Variants in CCNQ observed in about 807,000 individuals in gnomAD.
The protein encoded by CCNQ is cyclin-Q.
Under a neutral mutation model 17.7 loss-of-function variants are expected in CCNQ, and 3 were observed. The ratio of observed to expected loss-of-function variants is 0.17; its 90% CI spans 0.08 to 0.44. The LOEUF (loss-of-function observed/expected upper bound fraction) is 0.44, where lower values mean the gene tolerates loss of function less well. Among genes scored for constraint, CCNQ ranks in the 20% least tolerant of loss-of-function variants. The pLI is 0.99. For missense variants in CCNQ, 146 were observed against 222.6 expected (o/e 0.66, Z 2.19); for synonymous variants, 73 against 96.0 (o/e 0.76, Z 1.40).
chrX:153,594,106 G>T (rs1196547201), intron 3 of CCNQ, among the ~76,000 whole-genome samples: 1 of 113,007 alleles, frequency 8.8e-6, no homozygotes, highest in Non-Finnish European at 1.9e-5. Flanking sequence ...TGACTCAAGC[G>T]ATTTGGCTTT....
chrX:153,595,347 G>A (rs954710873), intron 2 of CCNQ, among the ~76,000 whole-genome samples: 2 of 113,214 alleles, frequency 1.8e-5, no homozygotes, highest in Admixed American at 1.8e-4. Flanking sequence ...TGAACTCCTG[G>A]GCTCAAGCGA....
intron 3 of CCNQ, among the ~76,000 whole-genome samples, chrX:153,593,222 A>G (rs185452756): frequency 8.9e-6 from 1 of 112,924 alleles, no homozygotes. Flanking sequence ...TCCTGCTCTC[A>G]GAACACTGAC....
chrX:153,596,208 A>T (rs782138796), intron 1 of CCNQ, 21 bp from the exon 2 acceptor site: 1 of 1,207,404 alleles, frequency 8.3e-7, no homozygotes, highest in Admixed American at 2.2e-5. Flanking sequence ...AAAGCAGGCA[A>T]GAGAGGACTT....
At position 153,588,156 on chromosome X, in the gene CCNQ, G is replaced by C. The variant is rs2090966242; in HGVS notation, c.*209C>G. The C allele has an allele frequency of 1.9e-6, 1 of 521,569 alleles. No homozygotes were observed. Among genetic ancestry groups the C allele is most frequent in the Non-Finnish European group, 3.5e-6 (1 of 285,035 alleles). 43.0% of individuals were successfully genotyped at this position (521,569 alleles called of 1,213,427 possible). On this transcript the variant is annotated 3_prime_UTR_variant, in exon 5 of 5. Coordinates refer to ENST00000576892, the MANE Select transcript of CCNQ (RefSeq NM_152274.5). ...CAGTACACTCCCGGCCTGCCCGCTGGAGGCGCGGCTCCCACCATCACCTGC... is the reference window on the plus strand; with the variant it reads ...CAGTACACTCCCGGCCTGCCCGCTGCAGGCGCGGCTCCCACCATCACCTGC...
chrX:153,594,278 G>A (rs371398413), intron 3 of CCNQ, among the ~76,000 whole-genome samples: 33 of 112,600 alleles, frequency 2.9e-4, no homozygotes, highest in African/African-American at 8.4e-4. Flanking sequence ...CAGCTTCAGC[G>A]GGCAGCACGG....
chrX:153,592,309 C>T (rs1487073294), intron 4 of CCNQ, among the ~76,000 whole-genome samples, 197 bp downstream of exon 4: 2 of 113,365 alleles, frequency 1.8e-5, no homozygotes, highest in African/African-American at 3.2e-5. Context: ...GTTCGACATC[C>T]GGGACCCCTA....
chrX:153,592,436 G>T (rs1020462394), intron 4 of CCNQ, 70 bp downstream of exon 4: 9 of 1,018,405 alleles, frequency 8.8e-6, no homozygotes, highest in Admixed American at 2.3e-5. Context: ...ATAGAATTTG[G>T]TGAGCACTGC....
In CCNQ at chrX:153,590,390, T is replaced by C. The variant is rs782113254; in HGVS notation, c.658-1936A>G. On this transcript the variant is annotated intron_variant, in intron 4 of 4. Transcript: ENST00000576892. ...CATTCTGAGACGGGGGCTCCAACAT[T>C]GTGCTCAGCAAAAGAAGCCAGTCAC... Among the ~76,000 whole-genome samples the C allele has an allele frequency of 9.9e-5, 11 of 110,616 alleles. No homozygotes were observed. In the South Asian group the frequency reaches 3.4e-3, roughly 35 times the overall value.
chrX:153,593,602 G>A (rs2091006972), intron 3 of CCNQ, among the ~76,000 whole-genome samples: 1 of 112,508 alleles, frequency 8.9e-6, no homozygotes, highest in African/African-American at 3.2e-5. Flanking sequence ...TCCAGGTACT[G>A]AGGTGGGAGT....
At chrX:153,594,166 C>T (rs1445026550) in intron 3 of CCNQ, among the ~76,000 whole-genome samples, 2 of 112,930 alleles carry the variant, frequency 1.8e-5, no homozygotes, top group Non-Finnish European at 3.8e-5. Context: ...TCCGAGGCAT[C>T]ACAGCATCCC....
chrX:153,597,668 T>C (rs1347378175), intron 1 of CCNQ: 1 of 112,045 alleles, frequency 8.9e-6, no homozygotes, highest in Non-Finnish European at 1.9e-5. Flanking sequence ...TTCCAGGGAT[T>C]AGGATAGGGA....
intron 1 of CCNQ, 89 bp from the exon 2 acceptor site, chrX:153,596,276 G>C: frequency 1.0e-6 from 1 of 980,151 alleles, no homozygotes; most frequent in Non-Finnish European, 1.5e-6. Context: ...GGCCCTAGCA[G>C]GTACAACCCT....
chrX:153,594,790 G>A, intron 2 of CCNQ, 111 bp from the exon 3 acceptor site: 1 of 820,703 alleles, frequency 1.2e-6, no homozygotes, highest in Non-Finnish European at 1.8e-6. Context: ...TCGTCCATCT[G>A]CAGATTCATG....
At chrX:153,595,269 C>T (rs1331314810) in intron 2 of CCNQ, among the ~76,000 whole-genome samples, 1 of 112,404 alleles carries the variant, frequency 8.9e-6, no homozygotes, top group Non-Finnish European at 1.9e-5. Flanking sequence ...AGGCATGCGC[C>T]ACCACGCCCG....
chrX:153,593,089 C>T (rs782388384), intron 3 of CCNQ, among the ~76,000 whole-genome samples: 2 of 112,427 alleles, frequency 1.8e-5, no homozygotes, highest in African/African-American at 3.2e-5. Context: ...CCTGGTGCTC[C>T]GGAAAGCACC....
At position 153,592,710 on chromosome X, in the gene CCNQ, G is replaced by A. The variant is rs1557026101; in HGVS notation, c.453C>T (p.Ser151=). The change falls in exon 4 of 5, where the codon TCC becomes TCT. Residue 151 remains serine, a synonymous_variant. Coordinates refer to ENST00000576892, the MANE Select transcript of CCNQ (RefSeq NM_152274.5). ...PHKYLLHYLV[S]LQNWLNRHSW... Reference sequence around the variant, plus strand: ...TGTGGCGGTTCAGCCAGTTCTGGAGGGAAACCAGGTAGTGGAGCAGGTACT... The same window carrying A: ...TGTGGCGGTTCAGCCAGTTCTGGAGAGAAACCAGGTAGTGGAGCAGGTACT... The A allele has an allele frequency of 1.7e-6, 2 of 1,210,844 alleles. No homozygotes were observed. The highest frequency in any genetic ancestry group is 1.8e-5 in the South Asian group (1 of 56,681).
chrX:153,598,798 T>G (rs782563340), intron 1 of CCNQ, among the ~76,000 whole-genome samples, 164 bp downstream of exon 1: 1 of 112,840 alleles, frequency 8.9e-6, no homozygotes, highest in African/African-American at 3.2e-5. Flanking sequence ...GGCTCACTGC[T>G]CAGCACACCG....
chrX:153,589,965 C>T (rs1569536713), intron 4 of CCNQ, among the ~76,000 whole-genome samples: 1 of 111,184 alleles, frequency 9.0e-6, no homozygotes, highest in Non-Finnish European at 1.9e-5. Flanking sequence ...TAGTGGCTCA[C>T]GCTTGTAATC....
At chrX:153,595,958 T>TC (rs782037274) in intron 2 of CCNQ, 46 bp downstream of exon 2, 7 of 1,198,260 alleles carry the variant, frequency 5.8e-6, no homozygotes, top group South Asian at 1.8e-5. Flanking sequence ...TCCCTGCCCG[T>TC]CCCCCCCACC....
Sources: allele counts gnomAD v4.1 joint callset (sites outside exome capture counted in the v4.1 genomes callset), GRCh38; gene constraint gnomAD v4.1.1; transcripts MANE v1.5; gene names NCBI Gene and HGNC (gene_info 2026-07-23, HGNC 2026-07-21).